Variants in MATN2 observed in about 807,000 individuals in gnomAD.
MATN2 encodes matrilin-2.
MATN2 carries 69 observed loss-of-function variants against 103.2 expected under a neutral mutation model. The observed-to-expected ratio is 0.67, with a 90% confidence interval of 0.55 to 0.82. The LOEUF is 0.82. Ranked by LOEUF, MATN2 falls within the 40% of genes least tolerant of loss-of-function variation. The pLI, the probability that MATN2 is intolerant of heterozygous loss-of-function variation, is 0.00. For missense variants in MATN2, 1,023 were observed against 1,211.5 expected, an observed-to-expected ratio of 0.84 and a Z score of 2.31; for synonymous variants, 429 against 450.2, an observed-to-expected ratio of 0.95 and a Z score of 0.60.
At chr8:97,875,136 C>T (rs988129451) in intron 1 of MATN2, among the ~76,000 whole-genome samples, 4 of 152,156 alleles carry the variant, frequency 2.6e-5, no homozygotes, top group Non-Finnish European at 5.9e-5. Flanking sequence ...TCTAACATCA[C>T]ATATTCCCAG....
chr8:98,007,518 ACTC>A lies in MATN2; in HGVS notation c.1493_1495del (p.Ser498del). On this transcript the variant is annotated inframe_deletion, in exon 10 of 19. Transcript: ENST00000254898. This position sits in a 1 kb window ranked among gnomAD's most constrained non-coding sequence, Gnocchi z 4.2. The stretch of plus-strand genomic sequence containing the variant: ...CTGCTGAGTGACCATGGTTGTGAAT[ACTC>A]CTGTGTCAACATGGACAGATCCTTT... The A allele has an allele frequency of 1.2e-6, 2 of 1,613,070 alleles. No homozygotes were observed. The highest frequency in any genetic ancestry group is 1.7e-6 in the Non-Finnish European group (2 of 1,179,354).
intron 10 of MATN2, among the ~76,000 whole-genome samples, chr8:98,014,946 C>CT (rs1813309579): frequency 6.6e-6 from 1 of 152,180 alleles, no homozygotes; most frequent in East Asian, 1.9e-4. Context: ...ATTGAGTTAA[C>CT]TTTCAGAAAT....
Position 97,875,106 on chromosome 8 carries a change from A to T in MATN2, c.-27+5819A>T, listed in dbSNP as rs1818026447. Among the ~76,000 whole-genome samples, 5 of 152,070 alleles carry T rather than the reference A, an allele frequency of 3.3e-5. No individual in the cohort carries two copies. In the East Asian group the frequency reaches 9.7e-4, roughly 29 times the overall value. ...CCTTTTTTAAGGTCATCTGATTAGCAACCTTAATTCCCTTTGCCATCTAAC... is the reference window on the plus strand; with the variant it reads ...CCTTTTTTAAGGTCATCTGATTAGCTACCTTAATTCCCTTTGCCATCTAAC... On this transcript the variant is annotated intron_variant, in intron 1 of 18. Transcript: ENST00000254898.
At chr8:97,879,876 G>A (rs143734090) in intron 1 of MATN2, among the ~76,000 whole-genome samples, 37 of 152,270 alleles carry the variant, frequency 2.4e-4, no homozygotes, top group African/African-American at 8.9e-4. Context: ...ATCCTAGCCA[G>A]AGGTTGTCTT....
At position 98,025,772 on chromosome 8, in the gene MATN2, C is replaced by T. The variant is rs989907194; in HGVS notation, c.1943-1644C>T. On this transcript the variant is annotated intron_variant, in intron 13 of 18. Transcript: ENST00000254898. ...AAAAAGAAGAAGAAATGAGATAATC[C>T]ATTTTGGATCTGTCCATTTTTCTTT... is the stretch of plus-strand genomic sequence containing the variant. 3.2e-5 allele frequency: 14 copies of T among 441,636 alleles called. No individual in the cohort carries two copies. The Admixed American group carries it at 3.5e-4, about 11-fold the overall frequency. 27.4% of individuals were successfully genotyped at this position (441,636 alleles called of 1,614,324 possible).
At chr8:97,892,969 G>T (rs1336989258) in intron 2 of MATN2, among the ~76,000 whole-genome samples, 2 of 152,116 alleles carry the variant, frequency 1.3e-5, no homozygotes, top group African/African-American at 4.8e-5. Context: ...TGTGGCGCTG[G>T]GTCTGCCAGA....
intron 2 of MATN2, among the ~76,000 whole-genome samples, chr8:97,925,672 C>G (rs1410260390): frequency 6.6e-6 from 1 of 152,148 alleles, no homozygotes; most frequent in East Asian, 1.9e-4. Context: ...CCCTATTTTG[C>G]AGAGGAAGAG....
At chr8:97,926,716 A>G (rs937988876) in intron 2 of MATN2, among the ~76,000 whole-genome samples, 1 of 152,158 alleles carries the variant, frequency 6.6e-6, no homozygotes, top group Non-Finnish European at 1.5e-5. Flanking sequence ...TGGGTCCTAG[A>G]ATCTATGACT....
Position 97,978,995 on chromosome 8 carries a change from A to C in MATN2, c.1068A>C (p.Lys356Asn). Residue 356 changes from lysine (K) to asparagine (N), a missense_variant, in exon 6 of 19, where the codon AAA becomes AAC. Coordinates refer to ENST00000254898, the MANE Select transcript of MATN2 (RefSeq NM_002380.5). ...AAGGATTTGCTCTTAACCCAGATAAAAAAACGTGCACAAGTAAGTTACACA... is the reference window on the plus strand; with the variant it reads ...AAGGATTTGCTCTTAACCCAGATAACAAAACGTGCACAAGTAAGTTACACA... ...CHEGFALNPDKKTCTKIDYCA... is the reference protein window; with the variant it reads ...CHEGFALNPDNKTCTKIDYCA... 4 of 1,610,120 alleles carry C rather than the reference A, an allele frequency of 2.5e-6. No homozygotes were observed. The highest frequency in any genetic ancestry group is 3.4e-6 in the Non-Finnish European group (4 of 1,178,426).
intron 6 of MATN2, among the ~76,000 whole-genome samples, chr8:97,990,450 A>G (rs1440805130): frequency 6.6e-6 from 1 of 152,202 alleles, no homozygotes; most frequent in Non-Finnish European, 1.5e-5. Context: ...TTAAGCATAC[A>G]TGTCCCATAT....
At chr8:97,917,443 C>T (rs1809669415) in intron 2 of MATN2, among the ~76,000 whole-genome samples, 1 of 152,202 alleles carries the variant, frequency 6.6e-6, no homozygotes, top group African/African-American at 2.4e-5. Flanking sequence ...GTATGTCGAG[C>T]ATTCTTGAGA....
intron 8 of MATN2, among the ~76,000 whole-genome samples, chr8:98,004,804 C>T (rs1272227172): frequency 6.6e-6 from 1 of 152,218 alleles, no homozygotes; most frequent in Non-Finnish European, 1.5e-5. Flanking sequence ...AACAAAGCTC[C>T]ACTGGGTGAT....
At chr8:97,906,187 C>T (rs1305565959) in intron 2 of MATN2, among the ~76,000 whole-genome samples, 3 of 152,204 alleles carry the variant, frequency 2.0e-5, no homozygotes, top group Non-Finnish European at 4.4e-5. Flanking sequence ...TCCACATCCT[C>T]ACCAATACTT....
At chr8:98,006,981 A>C in intron 8 of MATN2, 124 bp from the exon 9 acceptor site, 1 of 993,854 alleles carries the variant, frequency 1.0e-6, no homozygotes, top group South Asian at 1.5e-5. Flanking sequence ...GGGATCAGTG[A>C]TGTGGGGTAG....
Position 98,035,942 on chromosome 8 carries a change from G to C in MATN2, c.*230G>C, listed in dbSNP as rs1814234317. ...ATTCTAAGATGAATTTACCAGGTGA[G>C]AATGAATAAGCTATGCAAGGTATTT... On this transcript the variant is annotated 3_prime_UTR_variant, in exon 19 of 19. Coordinates refer to ENST00000254898, the MANE Select transcript of MATN2 (RefSeq NM_002380.5). 5.2e-6 allele frequency: 2 copies of C among 386,128 alleles called. No homozygotes were observed. Among genetic ancestry groups the C allele is most frequent in the Admixed American group, 8.9e-5 (2 of 22,424 alleles). The allele number at this position is 386,128 out of a possible 1,614,324, so 23.9% of individuals were successfully genotyped here. A position where few individuals can be genotyped will look rare whatever the true frequency, so the allele number is the denominator to read the frequency against.
intron 4 of MATN2, among the ~76,000 whole-genome samples, chr8:97,943,484 G>GT (rs986345791): frequency 2.0e-4 from 29 of 148,612 alleles, no homozygotes; most frequent in Middle Eastern, 3.2e-3. Context: ...CTTTTCCTTT[G>GT]TTTTTTTAAG....
chr8:97,943,108 A>T (rs1810623727), intron 4 of MATN2, among the ~76,000 whole-genome samples: 1 of 152,130 alleles, frequency 6.6e-6, no homozygotes, highest in Non-Finnish European at 1.5e-5. Flanking sequence ...AATCCATAAC[A>T]AAAACTCACT....
intron 1 of MATN2, chr8:97,887,776 G>A: frequency 5.2e-6 from 1 of 191,852 alleles, no homozygotes; most frequent in Admixed American, 6.1e-5. Context: ...ATGAGTAATT[G>A]ATAATGAACT....
intron 2 of MATN2, among the ~76,000 whole-genome samples, chr8:97,921,559 G>A (rs1174295163): frequency 7.4e-6 from 1 of 135,788 alleles, no homozygotes; most frequent in African/African-American, 2.5e-5. Flanking sequence ...AGGGGAAGTC[G>A]CACTGTGGTA....
Sources: allele counts gnomAD v4.1 joint callset (sites outside exome capture counted in the v4.1 genomes callset), GRCh38; gene constraint gnomAD v4.1.1; non-coding constraint Gnocchi (gnomAD v3.1); transcripts MANE v1.5; gene names NCBI Gene and HGNC (gene_info 2026-07-23, HGNC 2026-07-21).